Variants in TRPV1 observed in about 807,000 individuals in gnomAD.
TRPV1 encodes OTRPC1.
TRPV1 carries 82 observed loss-of-function variants against 82.3 expected under a neutral mutation model. That is an observed-to-expected ratio of 1.00 (90% confidence interval 0.83 to 1.20). TRPV1 has a LOEUF of 1.20. TRPV1 is among the 50% of genes most tolerant of loss of function. TRPV1 has a pLI of 0.00. For missense variants in TRPV1, 1,067 were observed against 1,096.8 expected, an observed-to-expected ratio of 0.97 and a Z score of 0.38; for synonymous variants, 515 against 467.7, an observed-to-expected ratio of 1.10 and a Z score of -1.30.
At chr17:3,573,491 G>A in intron 14 of TRPV1, 142 bp downstream of exon 14, 1 of 890,704 alleles carries the variant, frequency 1.1e-6, no homozygotes, top group Non-Finnish European at 1.7e-6. Flanking sequence ...AGCTGGGTAA[G>A]GCAGCGGATA....
intron 16 of TRPV1, among the ~76,000 whole-genome samples, chr17:3,568,794 C>T (rs569012489): frequency 6.6e-6 from 1 of 152,204 alleles, no homozygotes; most frequent in African/African-American, 2.4e-5. Flanking sequence ...GTCATCCCAA[C>T]ACTTTGGGAG....
chr17:3,575,328 TA>T (rs1484284163), intron 13 of TRPV1, among the ~76,000 whole-genome samples: 1 of 151,816 alleles, frequency 6.6e-6, no homozygotes, highest in Non-Finnish European at 1.5e-5. Flanking sequence ...ACTAAAAATA[TA>T]AAAATTAGCC....
intron 5 of TRPV1, 112 bp downstream of exon 5, chr17:3,590,852 C>T (rs1457614336): frequency 2.8e-6 from 4 of 1,407,962 alleles, no homozygotes; most frequent in Non-Finnish European, 3.8e-6. Context: ...AACGCAGTGG[C>T]TGGGACAGGG....
At chr17:3,572,674 CTCAT>C (rs60190241) in intron 14 of TRPV1, among the ~76,000 whole-genome samples, 134,208 of 151,990 alleles carry the variant, frequency 0.88, 61,658 homozygotes, top group East Asian at 1. Context: ...GCCTCAGTGC[CTCAT>C]TCATTCAAAA....
intron 9 of TRPV1, among the ~76,000 whole-genome samples, chr17:3,584,787 C>G (rs1223254539): frequency 1.3e-5 from 2 of 152,268 alleles, no homozygotes; most frequent in East Asian, 3.9e-4. Flanking sequence ...TAGAGCGAGA[C>G]TCCATCTCAA....
intron 2 of TRPV1, among the ~76,000 whole-genome samples, chr17:3,603,525 C>A (rs79607702): frequency 0.024 from 3,650 of 152,248 alleles, 159 homozygotes; most frequent in African/African-American, 0.083. Flanking sequence ...AAAATTACAG[C>A]CAAGAACACC....
intron 8 of TRPV1, 88 bp from the exon 9 acceptor site, chr17:3,586,014 T>A: frequency 6.5e-7 from 1 of 1,529,922 alleles, no homozygotes; most frequent in Non-Finnish European, 8.9e-7. Context: ...CTCACAGCCA[T>A]GTGGCCCGCA....
intron 14 of TRPV1, 139 bp downstream of exon 14, chr17:3,573,494 A>T: frequency 1.1e-6 from 1 of 896,678 alleles, no homozygotes. Flanking sequence ...TGGGTAAGGC[A>T]GCGGATAGAG....
rs749198470 is a variant in TRPV1, at chr17:3,583,394, G to A, written c.1420C>T (p.Arg474Ter). ...ACAGACAGGATCTCTCCAGTAACTCGGAAATAGTCTCCAGTTTTTTCCATC... is the reference window on the plus strand; with the variant it reads ...ACAGACAGGATCTCTCCAGTAACTCAGAAATAGTCTCCAGTTTTTTCCATC... Reference protein sequence around the residue: ...FKMEKTGDYFRVTGEILSVLG... With the variant: ...FKMEKTGDYF The change falls in exon 10 of 17, where the codon CGA (arginine) becomes TGA (stop). Residue 474 changes from arginine (R) to a stop codon, truncating the protein, a stop_gained. Coordinates refer to ENST00000572705, the MANE Select transcript of TRPV1 (RefSeq NM_080704.4). LOFTEE classifies it high-confidence loss of function. 8.1e-6 allele frequency: 13 copies of A among 1,609,812 alleles called. No individual in the cohort carries two copies. The highest frequency in any genetic ancestry group is 2.7e-5 in the African/African-American group (2 of 74,892).
chr17:3,584,319 C>T lies in TRPV1; in HGVS notation c.1384-889G>A, dbSNP rs2075056314. Among the ~76,000 whole-genome samples, 6 of 145,106 alleles carry T rather than the reference C, an allele frequency of 4.1e-5. No homozygotes were observed. The South Asian group carries it at 1.3e-3, about 32-fold the overall frequency. ...GAGGGAGGCTGAGGCAGGAGAATGG[C>T]GTGAACCCAGGAGGCAGAGCTTGCA... On this transcript the variant is annotated intron_variant, in intron 9 of 16. Transcript: ENST00000572705.
chr17:3,580,391 C>T, intron 11 of TRPV1, 66 bp downstream of exon 11: 2 of 1,562,948 alleles, frequency 1.3e-6, no homozygotes, highest in East Asian at 4.5e-5. Context: ...GTGAGTGAGA[C>T]CTCAAGTGAG....
rs779070599 is a variant in TRPV1 at position 3,589,941 on chromosome 17, TCGTGTTGTCGGC to T, written c.898_909del (p.Ala300_Thr303del). The T allele has an allele frequency of 2.9e-5, 45 of 1,573,074 alleles. No homozygotes were observed. Among genetic ancestry groups the T allele is most frequent in the Middle Eastern group, 1.7e-4 (1 of 6,040 alleles). On this transcript the variant is annotated inframe_deletion, in exon 7 of 17. Coordinates refer to ENST00000572705, the MANE Select transcript of TRPV1 (RefSeq NM_080704.4). Reference sequence around the variant, plus strand: ...TCATTGTACATGCTCGTCACAAACTTCGTGTTGTCGGCCGTGTTGTCGGCCACCTCCACCAGG... The same window carrying T: ...TCATTGTACATGCTCGTCACAAACTTCGTGTTGTCGGCCACCTCCACCAGG...
chr17:3,600,564 G>A (rs1452952579), intron 2 of TRPV1, among the ~76,000 whole-genome samples: 3 of 152,076 alleles, frequency 2.0e-5, no homozygotes, highest in Non-Finnish European at 4.4e-5. Context: ...ACTCCAGCCC[G>A]GGCTACAGAG....
Position 3,592,166 on chromosome 17 carries a change from T to C in TRPV1, c.185A>G (p.Asp62Gly). ...KGDSEEAFPV[D>G]CPHEEGELDS... The stretch of plus-strand genomic sequence containing the variant: ...CAGCTCACCTTCCTCGTGAGGGCAA[T>C]CCACCGGGAAAGCCTCCTCCGAGTC... Residue 62 changes from aspartate (D) to glycine (G), a missense_variant, in exon 3 of 17, where the codon GAT becomes GGT. Physicochemically the swap from Asp to Gly is moderately conservative, Grantham distance 94. Coordinates refer to ENST00000572705, the MANE Select transcript of TRPV1 (RefSeq NM_080704.4). The C allele has an allele frequency of 6.2e-7, 1 of 1,613,678 alleles. No homozygotes were observed. Among genetic ancestry groups the C allele is most frequent in the Non-Finnish European group, 8.5e-7 (1 of 1,179,798 alleles).
chr17:3,608,564 C>T lies in TRPV1; in HGVS notation c.-171G>A, dbSNP rs559793722. On this transcript the variant is annotated splice_region_variant and 5_prime_UTR_variant, in exon 2 of 17. In the 5' UTR this introduces an upstream ATG that the reference lacks. Transcript: ENST00000572705. ...ATGGCACGGCAGAGACTCTCCATCACACTGCTCAGAACAATGCACAAGGGA... is the reference window on the plus strand; with the variant it reads ...ATGGCACGGCAGAGACTCTCCATCATACTGCTCAGAACAATGCACAAGGGA... The T allele has an allele frequency of 6.6e-6, 1 of 152,194 alleles. No homozygotes were observed. The highest frequency in any genetic ancestry group is 1.5e-5 in the Non-Finnish European group (1 of 68,070). The allele number at this position is 152,194 out of a possible 1,614,324, so 9.4% of individuals were successfully genotyped here.
rs2075166885 is a variant in TRPV1, at chr17:3,592,145, T to C, written c.206A>G (p.Glu69Gly). The C allele has an allele frequency of 6.2e-7, 1 of 1,613,842 alleles. No individual in the cohort carries two copies. Residue 69 changes from glutamate to glycine, a missense_variant, in exon 3 of 17, where the codon GAG becomes GGG. Transcript: ENST00000572705. Reference protein sequence around the residue: ...FPVDCPHEEGELDSCPTITVS... With the variant: ...FPVDCPHEEGGLDSCPTITVS... ...TGTGATGGTCGGGCAGGAGTCCAGC[T>C]CACCTTCCTCGTGAGGGCAATCCAC... is the stretch of plus-strand genomic sequence containing the variant.
At chr17:3,575,485 G>GA (rs34777471) in intron 13 of TRPV1, among the ~76,000 whole-genome samples, 40 of 145,790 alleles carry the variant, frequency 2.7e-4, no homozygotes, top group African/African-American at 8.6e-4. Context: ...TCCTTCTCAA[G>GA]AAAAAAAAAA....
intron 14 of TRPV1, 87 bp from the exon 15 acceptor site, chr17:3,572,336 G>T: frequency 6.7e-7 from 1 of 1,493,834 alleles, no homozygotes; most frequent in South Asian, 1.3e-5. Context: ...AGCTCCCCAG[G>T]GGCTCTCCCA....
Position 3,589,690 on chromosome 17 carries a change from A to G in TRPV1, c.1044+117T>C, listed in dbSNP as rs2150846873. On this transcript the variant is annotated intron_variant, in intron 7 of 16. Coordinates refer to ENST00000572705, the MANE Select transcript of TRPV1 (RefSeq NM_080704.4). ...TAACAGCCCTACAGGCTGGTATGAC[A>G]GAATCAGAGTCCCGCACACACAGAT... is the stretch of plus-strand genomic sequence containing the variant. 16 of 1,252,806 alleles carry G rather than the reference A, an allele frequency of 1.3e-5. No individual in the cohort carries two copies. In the South Asian group the frequency reaches 2.0e-4, roughly 16 times the overall value. 77.6% of individuals were successfully genotyped at this position (1,252,806 alleles called of 1,614,324 possible).
Sources: gnomAD v4.1 joint callset for allele counts (sites outside exome capture counted in the v4.1 genomes callset) on GRCh38, gnomAD v4.1.1 for gene constraint, MANE v1.5 for transcripts, NCBI Gene and HGNC (gene_info 2026-07-23, HGNC 2026-07-21) for gene names.